RABGAP1: variants seen among roughly 807,000 people sequenced by gnomAD.
RABGAP1 encodes the protein RAB GTPase activating protein 1.
A neutral mutation model predicts 137.6 loss-of-function variants in RABGAP1; 23 were observed. The ratio of observed to expected loss-of-function variants is 0.17; its 90% confidence interval spans 0.12 to 0.24. The LOEUF (loss-of-function observed/expected upper bound fraction) is 0.24. Among genes scored for constraint, RABGAP1 ranks in the 10% least tolerant of loss-of-function variants. The pLI is 1.00. For missense variants in RABGAP1, 906 were observed against 1,275.8 expected (o/e 0.71, Z 4.42); for synonymous variants, 451 against 450.7 (o/e 1.00, Z -0.01).
In RABGAP1 at chr9:122,957,110, A is replaced by C. The variant is rs756141880; in HGVS notation, c.51A>C (p.Val17=). The C allele has an allele frequency of 2.9e-5, 45 of 1,564,294 alleles. No homozygotes were observed. Among genetic ancestry groups the C allele is most frequent in the Non-Finnish European group, 3.8e-5 (44 of 1,145,580 alleles). ...AAATCAGTGTCTCTTCAGACTCAGT[A>C]TCTACTCTTAATAGTGAAGATTTTG... is the stretch of plus-strand genomic sequence containing the variant. ...VGKISVSSDS[V]STLNSEDFVL... Residue 17 remains valine (V), a synonymous_variant, in exon 2 of 26, where the codon GTA becomes GTC. Transcript: ENST00000373647.
intron 14 of RABGAP1, among the ~76,000 whole-genome samples, chr9:123,066,813 T>TA (rs2034188376): frequency 6.6e-6 from 1 of 152,202 alleles, no homozygotes; most frequent in Non-Finnish European, 1.5e-5. Context: ...GGTTTAAAAA[T>TA]ACAGTTCATT....
chr9:122,995,931 A>G, intron 6 of RABGAP1, 110 bp from the exon 7 acceptor site: 1 of 1,463,874 alleles, frequency 6.8e-7, no homozygotes, highest in South Asian at 1.5e-5. Flanking sequence ...TATTATTTGC[A>G]AACTAGGCAC....
intron 1 of RABGAP1, chr9:122,945,536 T>G (rs546069733): frequency 7.7e-4 from 117 of 152,332 alleles, no homozygotes; most frequent in Middle Eastern, 3.4e-3. Flanking sequence ...AACCTACTTT[T>G]AAGCTCCTGC....
At chr9:122,986,767 TGA>T (rs959406773) in intron 4 of RABGAP1, among the ~76,000 whole-genome samples, 198 of 152,288 alleles carry the variant, frequency 1.3e-3, no homozygotes, top group Non-Finnish European at 3.1e-4. Context: ...AGTTTCATGT[TGA>T]GTTTGAAAGT....
At chr9:123,095,876 G>T (rs1192151356) in intron 21 of RABGAP1, among the ~76,000 whole-genome samples, 1 of 152,126 alleles carries the variant, frequency 6.6e-6, no homozygotes, top group Non-Finnish European at 1.5e-5. Flanking sequence ...GTTTTTCCCA[G>T]AAACTTTTCT....
Position 122,969,097 on chromosome 9 carries a change from C to T in RABGAP1, c.150+11888C>T, listed in dbSNP as rs1156769640. ...CCAACTGCATGTATGAAGGTGGTCC[C>T]AAAAGATTATAATACCATATTTTTA... On this transcript the variant is annotated intron_variant, in intron 2 of 25. Transcript: ENST00000373647. Among the ~76,000 whole-genome samples, 5 of 152,184 alleles carry T rather than the reference C, an allele frequency of 3.3e-5. No individual in the cohort carries two copies. The East Asian group carries it at 9.6e-4, about 29-fold the overall frequency.
intron 13 of RABGAP1, among the ~76,000 whole-genome samples, chr9:123,048,964 A>C (rs2033340139): frequency 6.6e-6 from 1 of 152,236 alleles, no homozygotes; most frequent in Non-Finnish European, 1.5e-5. Flanking sequence ...CCTAAAAGGA[A>C]ATGAACATAG....
At chr9:123,082,071 T>G (rs1395980079) in intron 19 of RABGAP1, among the ~76,000 whole-genome samples, 1 of 142,414 alleles carries the variant, frequency 7.0e-6, no homozygotes, top group African/African-American at 2.6e-5. Context: ...CCCTTGGAAA[T>G]TTTTTTTTTT....
chr9:123,036,586 G>A (rs2032675520), intron 13 of RABGAP1, among the ~76,000 whole-genome samples: 1 of 152,186 alleles, frequency 6.6e-6, no homozygotes, highest in African/African-American at 2.4e-5. Context: ...TCGGTCATAA[G>A]CAACTGAGTC....
chr9:123,060,495 A>T (rs2033928248), intron 13 of RABGAP1, among the ~76,000 whole-genome samples: 1 of 152,194 alleles, frequency 6.6e-6, no homozygotes, highest in Non-Finnish European at 1.5e-5. Flanking sequence ...GGGCTATTAC[A>T]CATGAGGGTA....
chr9:122,945,726 A>G (rs984544864), intron 1 of RABGAP1, among the ~76,000 whole-genome samples: 2 of 152,166 alleles, frequency 1.3e-5, no homozygotes, highest in African/African-American at 4.8e-5. Context: ...GTGGAAATAA[A>G]TTTTTCTCTG....
the RABGAP1 span, among the ~76,000 whole-genome samples, chr9:122,934,022 A>G: frequency 4.0e-5 from 6 of 151,616 alleles, no homozygotes; most frequent in Non-Finnish European, 7.4e-5. Flanking sequence ...TGGTCTCCCA[A>G]AGTACTGCGG....
At chr9:122,958,927 T>G (rs1834690924) in intron 2 of RABGAP1, among the ~76,000 whole-genome samples, 2 of 152,060 alleles carry the variant, frequency 1.3e-5, no homozygotes, top group Admixed American at 1.3e-4. Context: ...GAGGATTGAT[T>G]GAGGCCAGGA....
At chr9:123,069,588 A>C (rs2132135182) in intron 14 of RABGAP1, among the ~76,000 whole-genome samples, 1 of 151,774 alleles carries the variant, frequency 6.6e-6, no homozygotes, top group African/African-American at 2.4e-5. Context: ...AAAAAAAAAA[A>C]ATGCAGTGTG....
At chr9:123,036,623 G>GT (rs912335782) in intron 13 of RABGAP1, among the ~76,000 whole-genome samples, 4 of 152,048 alleles carry the variant, frequency 2.6e-5, no homozygotes, top group African/African-American at 4.8e-5. Flanking sequence ...TATACAGATT[G>GT]TTTTTTTAAA....
chr9:123,065,544 T>C, intron 14 of RABGAP1, 83 bp downstream of exon 14: 1 of 1,020,824 alleles, frequency 9.8e-7, no homozygotes, highest in Non-Finnish European at 1.5e-6. Context: ...CTACAAAGTG[T>C]AATTTGTATT....
intron 2 of RABGAP1, among the ~76,000 whole-genome samples, chr9:122,979,365 A>G (rs1249839067): frequency 6.6e-6 from 1 of 152,134 alleles, no homozygotes. Context: ...TTCTCTATAT[A>G]TTCTGGATAT....
intron 13 of RABGAP1, chr9:123,035,057 C>T (rs1451478395): frequency 6.2e-7 from 1 of 1,614,136 alleles, no homozygotes; most frequent in Admixed American, 1.7e-5. Context: ...TTCCTGCCTT[C>T]CTTTTTCCAC....
intron 6 of RABGAP1, among the ~76,000 whole-genome samples, chr9:122,995,220 G>A (rs1367419326): frequency 6.6e-6 from 1 of 152,158 alleles, no homozygotes; most frequent in Non-Finnish European, 1.5e-5. Flanking sequence ...TTATAATAAA[G>A]TTAACAGTGC....
Sources: allele counts gnomAD v4.1 joint callset (sites outside exome capture counted in the v4.1 genomes callset), GRCh38; gene constraint gnomAD v4.1.1; transcripts MANE v1.5; gene names NCBI Gene and HGNC (gene_info 2026-07-23, HGNC 2026-07-21).